Variants in ZFPM2 observed in about 807,000 individuals in gnomAD.
ZFPM2 encodes zinc finger protein, FOG family member 2, also known as zinc finger protein ZFPM2.
Under a neutral mutation model 98.6 loss-of-function variants are expected in ZFPM2, and 20 were observed. That is an observed-to-expected ratio of 0.20 (90% CI 0.14 to 0.29). ZFPM2 has a LOEUF of 0.29. Ranked by LOEUF, ZFPM2 falls within the 10% of genes least tolerant of loss-of-function variation. ZFPM2 has a pLI of 1.00. For missense variants in ZFPM2, 1,310 were observed against 1,388.6 expected (o/e 0.94, Z 0.90); for synonymous variants, 518 against 502.7 (o/e 1.03, Z -0.41).
chr8:105,400,873 T>A (rs1811326335), intron 1 of ZFPM2, among the ~76,000 whole-genome samples: 1 of 152,050 alleles, frequency 6.6e-6, no homozygotes, highest in South Asian at 2.1e-4. Flanking sequence ...CGGGGCTAAG[T>A]CGTACCCATA....
intron 5 of ZFPM2, among the ~76,000 whole-genome samples, chr8:105,729,644 G>A (rs1039395795): frequency 1.7e-4 from 26 of 151,626 alleles, no homozygotes; most frequent in African/African-American, 6.3e-4. Context: ...CGTGAAGAGT[G>A]TAAATGAATC....
chr8:105,687,901 A>G (rs1412459077), intron 5 of ZFPM2, among the ~76,000 whole-genome samples: 1 of 152,108 alleles, frequency 6.6e-6, no homozygotes, highest in Non-Finnish European at 1.5e-5. Flanking sequence ...AATACATAGT[A>G]TATTGAATAT....
chr8:105,338,825 A>C (rs1812371584), intron 1 of ZFPM2, among the ~76,000 whole-genome samples: 1 of 151,934 alleles, frequency 6.6e-6, no homozygotes, highest in Admixed American at 6.6e-5. Flanking sequence ...TAGGACATTG[A>C]GATTTTACTG....
Position 105,413,523 on chromosome 8 carries a change from C to T in ZFPM2, c.41-5621C>T, listed in dbSNP as rs564339136. On this transcript the variant is annotated intron_variant, in intron 1 of 7. Transcript: ENST00000407775. ...ATATATATATACACACACACACGCA[C>T]ATATATATATATCTCGTGTTTAAAT... 9.2e-4 allele frequency among the ~76,000 whole-genome samples: 136 copies of T among 147,950 alleles called. 1 individual carries two copies. The South Asian group carries it at 0.015, about 16-fold the overall frequency.
At chr8:105,755,010 G>A (rs964299356) in intron 5 of ZFPM2, among the ~76,000 whole-genome samples, 1 of 152,058 alleles carries the variant, frequency 6.6e-6, no homozygotes, top group Non-Finnish European at 1.5e-5. Flanking sequence ...GCATGCGTGT[G>A]TGTTGCAGGA....
At chr8:105,491,042 T>A (rs556858132) in intron 3 of ZFPM2, among the ~76,000 whole-genome samples, 1 of 152,270 alleles carries the variant, frequency 6.6e-6, no homozygotes, top group Non-Finnish European at 1.5e-5. Flanking sequence ...TTAGAAATAT[T>A]TGGTTTTTTA....
At chr8:105,360,855 T>G (rs1812844983) in intron 1 of ZFPM2, among the ~76,000 whole-genome samples, 1 of 137,664 alleles carries the variant, frequency 7.3e-6, no homozygotes. Context: ...TGCCACATTT[T>G]CTTAATCCAG....
At chr8:105,461,632 A>ATTC (rs1279557485) in intron 3 of ZFPM2, among the ~76,000 whole-genome samples, 1 of 152,168 alleles carries the variant, frequency 6.6e-6, no homozygotes, top group Non-Finnish European at 1.5e-5. Context: ...CTTTTTGGAA[A>ATTC]TGCTTCCTCT....
At chr8:105,501,152 G>A (rs1813586026) in intron 3 of ZFPM2, among the ~76,000 whole-genome samples, 3 of 150,462 alleles carry the variant, frequency 2.0e-5, no homozygotes, top group African/African-American at 7.3e-5. Context: ...TGTTTTGATT[G>A]TGAAGTTCAA....
intron 5 of ZFPM2, among the ~76,000 whole-genome samples, chr8:105,776,623 C>G (rs1216196722): frequency 1.3e-5 from 2 of 152,156 alleles, no homozygotes; most frequent in Non-Finnish European, 2.9e-5. Flanking sequence ...CTTTTACTTT[C>G]CATTCTAACC....
At chr8:105,697,479 C>T (rs1293080247) in intron 5 of ZFPM2, among the ~76,000 whole-genome samples, 1 of 152,120 alleles carries the variant, frequency 6.6e-6, no homozygotes, top group Non-Finnish European at 1.5e-5. Flanking sequence ...ATTACATATG[C>T]TTTCAATTGC....
At chr8:105,546,246 A>G (rs1285146378) in intron 3 of ZFPM2, among the ~76,000 whole-genome samples, 2 of 152,096 alleles carry the variant, frequency 1.3e-5, no homozygotes, top group Non-Finnish European at 2.9e-5. Context: ...TTTTATCCAT[A>G]TGTTTTATTT....
chr8:105,395,681 A>G (rs1357151572), intron 1 of ZFPM2, among the ~76,000 whole-genome samples: 1 of 152,220 alleles, frequency 6.6e-6, no homozygotes, highest in Non-Finnish European at 1.5e-5. Context: ...ATAAATTGAC[A>G]TATTTTGAAC....
intron 1 of ZFPM2, among the ~76,000 whole-genome samples, chr8:105,408,642 A>C (rs1293032264): frequency 6.6e-6 from 1 of 151,924 alleles, no homozygotes; most frequent in Non-Finnish European, 1.5e-5. Flanking sequence ...TATTCCAAAC[A>C]ATATGCGGGA....
intron 3 of ZFPM2, among the ~76,000 whole-genome samples, chr8:105,476,744 T>G (rs1182517384): frequency 2.6e-5 from 4 of 151,428 alleles, no homozygotes; most frequent in Non-Finnish European, 5.9e-5. Flanking sequence ...TAACCTATTG[T>G]TTTTTTTGCA....
chr8:105,614,809 T>C (rs1339631434), intron 4 of ZFPM2, among the ~76,000 whole-genome samples: 1 of 152,164 alleles, frequency 6.6e-6, no homozygotes, highest in African/African-American at 2.4e-5. Flanking sequence ...TTGTATATGT[T>C]TAGTCTATTC....
intron 1 of ZFPM2, among the ~76,000 whole-genome samples, chr8:105,409,170 A>G (rs1811525913): frequency 6.6e-6 from 1 of 151,870 alleles, no homozygotes; most frequent in South Asian, 2.1e-4. Flanking sequence ...AGAGGGGATG[A>G]AGAGAATGCT....
At chr8:105,481,188 T>C (rs1267119859) in intron 3 of ZFPM2, among the ~76,000 whole-genome samples, 1 of 152,028 alleles carries the variant, frequency 6.6e-6, no homozygotes, top group Non-Finnish European at 1.5e-5. Flanking sequence ...TAAGAATATT[T>C]CTAAAAAAAA....
intron 5 of ZFPM2, among the ~76,000 whole-genome samples, chr8:105,774,105 G>A (rs1441489534): frequency 6.6e-6 from 1 of 152,090 alleles, no homozygotes; most frequent in African/African-American, 2.4e-5. Flanking sequence ...GATTTTGCCT[G>A]CATTTCAGGT....
Sources: allele counts gnomAD v4.1 joint callset (sites outside exome capture counted in the v4.1 genomes callset), GRCh38; gene constraint gnomAD v4.1.1; transcripts MANE v1.5; gene names NCBI Gene and HGNC (gene_info 2026-07-23, HGNC 2026-07-21).